Variants in IFT122 observed in about 807,000 individuals in gnomAD.
The protein encoded by IFT122 is intraflagellar transport 122.
Under a neutral mutation model 161.6 loss-of-function variants are expected in IFT122, and 118 were observed. The observed-to-expected ratio is 0.73, with a 90% CI of 0.63 to 0.85. The LOEUF is 0.85. Among genes scored for constraint, IFT122 ranks in the 40% least tolerant of loss-of-function variants. The pLI is 0.00. For missense variants in IFT122, 1,381 were observed against 1,579.6 expected (o/e 0.87, Z 2.13); for synonymous variants, 550 against 602.4 (o/e 0.91, Z 1.27).
At position 129,492,805 on chromosome 3, in the gene IFT122, GCTTTTTTTTT is replaced by G. The variant is rs1437193130; in HGVS notation, c.2046+622_2046+631del. On this transcript the variant is annotated intron_variant, in intron 17 of 29. Transcript: ENST00000348417. ...TTTGCTGGGTGGTGGTCAACACTAT[GCTTTTTTTTT>G]CTTTTTTTTTTTTTTTTTTCTGAAA... 1.7e-3 allele frequency among the ~76,000 whole-genome samples: 253 copies of G among 148,260 alleles called. 4 individuals are homozygous for G. The East Asian group carries it at 0.029, about 17-fold the overall frequency.
intron 1 of IFT122, among the ~76,000 whole-genome samples, chr3:129,444,525 A>G (rs1577141089): frequency 1.3e-5 from 2 of 148,878 alleles, no homozygotes; most frequent in African/African-American, 4.9e-5. Context: ...GTAAGTTTAC[A>G]CTCTTTTTTT....
At chr3:129,488,170 G>A (rs751342507) in intron 15 of IFT122, 87 bp from the exon 16 acceptor site, 63 of 1,608,032 alleles carry the variant, frequency 3.9e-5, no homozygotes, top group African/African-American at 5.3e-5. Context: ...ATCATCCCAC[G>A]CATCTGGAGG....
chr3:129,506,398 C>T lies in IFT122; in HGVS notation c.2651-11C>T, dbSNP rs1190669641. 3 of 1,613,374 alleles carry T rather than the reference C, an allele frequency of 1.9e-6. No homozygotes were observed. The highest frequency in any genetic ancestry group is 1.7e-6 in the Non-Finnish European group (2 of 1,179,976). On this transcript the variant is annotated splice_polypyrimidine_tract_variant and intron_variant, in intron 21 of 29. Coordinates refer to ENST00000348417, the MANE Select transcript of IFT122 (RefSeq NM_052989.3). ...GCATGTGCTTTTTTCCTCCCTCCAC[C>T]ACTCCTACAGCGTTCCACAAGGCTG...
intron 25 of IFT122, chr3:129,515,258 G>A (rs1402499565): frequency 1.6e-6 from 1 of 617,006 alleles, no homozygotes; most frequent in Non-Finnish European, 3.0e-6. Flanking sequence ...CGCTGCCTGT[G>A]CAGGTGTCTT....
chr3:129,517,632 G>T (rs756735598), intron 27 of IFT122, 38 bp downstream of exon 27: 1 of 1,606,762 alleles, frequency 6.2e-7, no homozygotes. Context: ...GTGTGCGGCT[G>T]TGTGAGGGGT....
chr3:129,506,424 G>T lies in IFT122; in HGVS notation c.2666G>T (p.Gly889Val). 1 of 1,614,062 alleles carries T rather than the reference G, an allele frequency of 6.2e-7. No individual in the cohort carries two copies. The highest frequency in any genetic ancestry group is 8.5e-7 in the Non-Finnish European group (1 of 1,180,040). ...ACTCCTACAGCGTTCCACAAGGCTG[G>T]GCGACAGAGAGAAGCGGTCCAGGTG... ...EEAQKAFHKAGRQREAVQVLE... is the reference protein window; with the variant it reads ...EEAQKAFHKAVRQREAVQVLE... The change falls in exon 22 of 30, where the codon GGG (glycine) becomes GTG (valine). Residue 889 changes from glycine (G) to valine (V), a missense_variant. Transcript: ENST00000348417.
At position 129,466,875 on chromosome 3, in the gene IFT122, A is replaced by G. The variant is rs919325670; in HGVS notation, c.564-15A>G. 13 of 1,612,286 alleles carry G rather than the reference A, an allele frequency of 8.1e-6. No individual in the cohort carries two copies. The highest frequency in any genetic ancestry group is 5.3e-5 in the African/African-American group (4 of 74,904). On this transcript the variant is annotated splice_polypyrimidine_tract_variant and intron_variant, in intron 7 of 29. Coordinates refer to ENST00000348417, the MANE Select transcript of IFT122 (RefSeq NM_052989.3). Reference sequence around the variant, plus strand: ...CTAGGCAATGTAATTTTGAACAACTACTTACTGTCTACAGCCGATGGGAGA... The same window carrying G: ...CTAGGCAATGTAATTTTGAACAACTGCTTACTGTCTACAGCCGATGGGAGA...
intron 23 of IFT122, among the ~76,000 whole-genome samples, chr3:129,508,185 T>G (rs2082383935): frequency 6.6e-6 from 1 of 152,262 alleles, no homozygotes; most frequent in Admixed American, 6.5e-5. Flanking sequence ...TCTCTGTCCC[T>G]CAGTTTCCTT....
At chr3:129,516,063 C>T (rs192135696) in intron 26 of IFT122, among the ~76,000 whole-genome samples, 156 of 141,766 alleles carry the variant, frequency 1.1e-3, no homozygotes, top group African/African-American at 3.9e-3. Flanking sequence ...CACACACACA[C>T]AGACTGTCCC....
intron 9 of IFT122, among the ~76,000 whole-genome samples, chr3:129,472,333 A>T (rs73204209): frequency 0.094 from 13,726 of 146,584 alleles, 688 homozygotes; most frequent in South Asian, 0.14. Context: ...AAAAAAAAAA[A>T]TTTTTTTTTT....
chr3:129,440,478 G>GGGGTTCAGTGCCCTCGGCCC, intron 1 of IFT122, 107 bp downstream of exon 1: 2 of 1,342,480 alleles, frequency 1.5e-6, no homozygotes, highest in Non-Finnish European at 2.1e-6. Context: ...TGCCTGGGCC[G>GGGGTTCAGTGCCCTCGGCCC]AGGGCACTGA....
intron 2 of IFT122, 150 bp from the exon 3 acceptor site, chr3:129,451,764 T>C: frequency 1.4e-6 from 1 of 690,384 alleles, no homozygotes. Flanking sequence ...TAAGTCACGT[T>C]GTTTTTGGTT....
intron 1 of IFT122, among the ~76,000 whole-genome samples, chr3:129,441,104 A>T (rs1342924931): frequency 6.6e-6 from 1 of 152,230 alleles, no homozygotes; most frequent in Non-Finnish European, 1.5e-5. Flanking sequence ...TTAATGTCCT[A>T]TTCCATTGTT....
intron 15 of IFT122, among the ~76,000 whole-genome samples, chr3:129,486,095 T>C (rs756837907): frequency 6.6e-5 from 10 of 152,200 alleles, no homozygotes; most frequent in Non-Finnish European, 1.3e-4. Flanking sequence ...AAAGTATAGC[T>C]CAGAGAGTAT....
At chr3:129,484,552 G>A (rs928362080) in intron 15 of IFT122, among the ~76,000 whole-genome samples, 1 of 152,156 alleles carries the variant, frequency 6.6e-6, no homozygotes, top group Non-Finnish European at 1.5e-5. Context: ...TATACGTATT[G>A]CTACCTATAG....
At chr3:129,515,310 G>A (rs1355801909) in intron 25 of IFT122, 178 bp from the exon 26 acceptor site, 1 of 665,688 alleles carries the variant, frequency 1.5e-6, no homozygotes, top group East Asian at 2.7e-5. Flanking sequence ...TATTTCGGCA[G>A]GCCTTTATCC....
chr3:129,470,932 G>GT (rs1485049767), intron 9 of IFT122, among the ~76,000 whole-genome samples: 7 of 152,238 alleles, frequency 4.6e-5, no homozygotes, highest in African/African-American at 7.2e-5. Context: ...ATCATATACT[G>GT]TAAGTATTCA....
At chr3:129,478,535 G>A (rs989932507) in intron 12 of IFT122, among the ~76,000 whole-genome samples, 3 of 152,178 alleles carry the variant, frequency 2.0e-5, no homozygotes, top group African/African-American at 4.8e-5. Flanking sequence ...GCTCACTGCA[G>A]CTTTGACCTC....
intron 18 of IFT122, among the ~76,000 whole-genome samples, chr3:129,498,049 A>G (rs141258123): frequency 2.6e-3 from 389 of 152,350 alleles, no homozygotes; most frequent in African/African-American, 8.8e-3. Flanking sequence ...CACTCAGCAC[A>G]GCCTCTTTCT....
Sources: allele counts gnomAD v4.1 joint callset (sites outside exome capture counted in the v4.1 genomes callset), GRCh38; gene constraint gnomAD v4.1.1; transcripts MANE v1.5; gene names NCBI Gene and HGNC (gene_info 2026-07-23, HGNC 2026-07-21).